UBE2D3: variants seen among roughly 807,000 people sequenced by gnomAD.
UBE2D3 encodes the protein ubiquitin-conjugating enzyme E2 D3.
Under a neutral mutation model 22.8 loss-of-function variants are expected in UBE2D3, and 2 were observed. The observed-to-expected ratio is 0.09, with a 90% CI of 0.04 to 0.28. The LOEUF is 0.28. Among genes scored for constraint, UBE2D3 ranks in the 10% least tolerant of loss-of-function variants. UBE2D3 has a pLI of 1.00. For synonymous variants in UBE2D3, 56 were observed against 60.4 expected, an observed-to-expected ratio of 0.93 and a Z score of 0.34; for missense variants, 27 against 182.5, an observed-to-expected ratio of 0.15 and a Z score of 4.91.
chr4:102,817,695 A>T (rs1728973415), intron 2 of UBE2D3, among the ~76,000 whole-genome samples: 1 of 152,144 alleles, frequency 6.6e-6, no homozygotes, highest in African/African-American at 2.4e-5. Flanking sequence ...TTTCCTTAGT[A>T]TTTATTTCCG....
intron 2 of UBE2D3, chr4:102,810,978 A>G (rs970117095): frequency 2.0e-5 from 3 of 152,174 alleles, no homozygotes; most frequent in Non-Finnish European, 2.9e-5. Flanking sequence ...AAGTCTAGGG[A>G]CTACTATATC....
At chr4:102,805,607 C>G (rs1191480768) in intron 4 of UBE2D3, among the ~76,000 whole-genome samples, 1 of 151,944 alleles carries the variant, frequency 6.6e-6, no homozygotes, top group African/African-American at 2.4e-5. Flanking sequence ...CGGGCCTCAG[C>G]CTCCAAAGAA....
At chr4:102,819,354 C>T (rs1729230385) in intron 2 of UBE2D3, among the ~76,000 whole-genome samples, 1 of 151,832 alleles carries the variant, frequency 6.6e-6, no homozygotes, top group Admixed American at 6.6e-5. Context: ...AAATTCCCTC[C>T]TTTCAAAGAG....
intron 6 of UBE2D3, among the ~76,000 whole-genome samples, chr4:102,801,119 T>C (rs1726090160): frequency 6.6e-6 from 1 of 152,002 alleles, no homozygotes; most frequent in South Asian, 2.1e-4. Context: ...TATCATACCA[T>C]TCTTGGTAAA....
At chr4:102,813,502 T>TGAA (rs2110293670) in intron 2 of UBE2D3, among the ~76,000 whole-genome samples, 1 of 152,274 alleles carries the variant, frequency 6.6e-6, no homozygotes, top group South Asian at 2.1e-4. Context: ...AACTTACAGG[T>TGAA]GAAGCTTGTG....
chr4:102,811,775 G>C (rs917014586), intron 2 of UBE2D3: 1 of 449,646 alleles, frequency 2.2e-6, no homozygotes, highest in East Asian at 7.0e-5. Context: ...AGATACAACA[G>C]AGAAGCAGAG....
At chr4:102,827,738 C>A, upstream of UBE2D3, 6 of 985,952 alleles carry the variant, frequency 6.1e-6, no homozygotes, top group Non-Finnish European at 7.2e-6. Context: ...ACAGCACCTT[C>A]TTACTAAACA....
chr4:102,850,444 C>T (rs1361938146), intron 1 of UBE2D3, among the ~76,000 whole-genome samples: 2 of 152,172 alleles, frequency 1.3e-5, no homozygotes, highest in African/African-American at 4.8e-5. Context: ...TCTTCCAGTT[C>T]AGATCCCACA....
At chr4:102,827,193 C>T (rs1287793031) in intron 1 of UBE2D3, 4 of 986,708 alleles carry the variant, frequency 4.1e-6, no homozygotes, top group Non-Finnish European at 3.6e-6. Context: ...CGCCCAGCCA[C>T]CTCCACCACG....
At chr4:102,803,328 C>T (rs1726499018) in intron 4 of UBE2D3, among the ~76,000 whole-genome samples, 1 of 152,204 alleles carries the variant, frequency 6.6e-6, no homozygotes, top group South Asian at 2.1e-4. Flanking sequence ...TGCCTAACTG[C>T]TTCTGGGTAT....
At chr4:102,824,096 T>C (rs1225446893) in intron 2 of UBE2D3, among the ~76,000 whole-genome samples, 1 of 152,192 alleles carries the variant, frequency 6.6e-6, no homozygotes, top group Non-Finnish European at 1.5e-5. Flanking sequence ...ATTTTAACAT[T>C]AACAGCTGAA....
At chr4:102,862,471 C>T (rs1044815744) in intron 1 of UBE2D3, among the ~76,000 whole-genome samples, 1 of 151,992 alleles carries the variant, frequency 6.6e-6, no homozygotes, top group Non-Finnish European at 1.5e-5. Context: ...TTTTCCAATC[C>T]ATCAATCTGT....
At chr4:102,820,905 T>A (rs1387271202) in intron 2 of UBE2D3, among the ~76,000 whole-genome samples, 1 of 152,172 alleles carries the variant, frequency 6.6e-6, no homozygotes, top group African/African-American at 2.4e-5. Context: ...AACATTTAAA[T>A]ACGACAAATT....
intron 4 of UBE2D3, among the ~76,000 whole-genome samples, chr4:102,806,892 C>T (rs942948016): frequency 4.6e-5 from 7 of 152,078 alleles, no homozygotes; most frequent in East Asian, 3.9e-4. Context: ...TCATTTCTTT[C>T]GAAGGTTTAG....
At chr4:102,814,367 C>A (rs1418587992) in intron 2 of UBE2D3, among the ~76,000 whole-genome samples, 1 of 151,148 alleles carries the variant, frequency 6.6e-6, no homozygotes, top group East Asian at 1.9e-4. Context: ...TGGTTCACTG[C>A]AACCTCCTCC....
At chr4:102,818,200 A>G (rs1022005658) in intron 2 of UBE2D3, among the ~76,000 whole-genome samples, 1 of 152,242 alleles carries the variant, frequency 6.6e-6, no homozygotes, top group African/African-American at 2.4e-5. Context: ...TTGAAGGGAC[A>G]CTAAGATCAA....
intron 1 of UBE2D3, among the ~76,000 whole-genome samples, chr4:102,853,304 A>C (rs959358714): frequency 1.3e-5 from 2 of 151,838 alleles, no homozygotes; most frequent in Non-Finnish European, 2.9e-5. Flanking sequence ...CACTACACAC[A>C]CATCTTTAAC....
intron 2 of UBE2D3, among the ~76,000 whole-genome samples, chr4:102,824,427 T>C (rs1318501158): frequency 6.6e-6 from 1 of 152,204 alleles, no homozygotes; most frequent in African/African-American, 2.4e-5. Flanking sequence ...AACTTAAAAT[T>C]TGTTTTGTTC....
At chr4:102,826,180 ACTC>A (rs1236483315) in intron 2 of UBE2D3, among the ~76,000 whole-genome samples, 4 of 151,276 alleles carry the variant, frequency 2.6e-5, no homozygotes, top group Non-Finnish European at 2.9e-5. Flanking sequence ...CCCCAAAAAA[ACTC>A]CTTCTTAAGC....
Sources: gnomAD v4.1 joint callset for allele counts (sites outside exome capture counted in the v4.1 genomes callset) on GRCh38, gnomAD v4.1.1 for gene constraint, MANE v1.5 for transcripts, NCBI Gene and HGNC (gene_info 2026-07-23, HGNC 2026-07-21) for gene names.